SNX25: variants seen among roughly 807,000 people sequenced by gnomAD.
SNX25 encodes sorting nexin 25.
In SNX25, 62 loss-of-function variants were observed where a neutral mutation model predicts 113.7. That is an observed-to-expected ratio of 0.55 (90% CI 0.44 to 0.67). SNX25 has a LOEUF of 0.67. Among genes scored for constraint, SNX25 ranks in the 30% least tolerant of loss-of-function variants. The pLI, the probability that SNX25 is intolerant of heterozygous loss-of-function variation, is 0.00. For synonymous variants in SNX25, 421 were observed against 436.2 expected, an observed-to-expected ratio of 0.97 and a Z score of 0.43; for missense variants, 1,014 against 1,161.0, an observed-to-expected ratio of 0.87 and a Z score of 1.84.
At chr4:185,275,852 C>A (rs1749597325) in intron 5 of SNX25, among the ~76,000 whole-genome samples, 1 of 151,976 alleles carries the variant, frequency 6.6e-6, no homozygotes, top group South Asian at 2.1e-4. Context: ...ATATATAAAA[C>A]AAAAAGAATC....
intron 2 of SNX25, among the ~76,000 whole-genome samples, chr4:185,253,504 G>A (rs1382656573): frequency 6.3e-5 from 9 of 143,518 alleles, no homozygotes; most frequent in Non-Finnish European, 1.2e-4. Flanking sequence ...GTCTTACTCT[G>A]TTGCCCAGGC....
intron 1 of SNX25, among the ~76,000 whole-genome samples, chr4:185,222,383 C>T (rs1016444136): frequency 2.6e-5 from 4 of 151,728 alleles, no homozygotes; most frequent in East Asian, 1.9e-4. Context: ...CCCTCCCTCA[C>T]GGTAGGTATA....
At chr4:185,272,159 C>CA (rs1749020937) in intron 5 of SNX25, among the ~76,000 whole-genome samples, 1 of 152,126 alleles carries the variant, frequency 6.6e-6, no homozygotes, top group Non-Finnish European at 1.5e-5. Context: ...GCACAAGAGC[C>CA]AAAAATGTGA....
chr4:185,240,103 G>T (rs1183208264), intron 1 of SNX25, among the ~76,000 whole-genome samples: 1 of 151,772 alleles, frequency 6.6e-6, no homozygotes, highest in Non-Finnish European at 1.5e-5. Context: ...AGATCAACAG[G>T]ATCCCAAGGC....
chr4:185,301,875 C>T (rs1017932426), intron 6 of SNX25, among the ~76,000 whole-genome samples: 1 of 148,928 alleles, frequency 6.7e-6, no homozygotes, highest in Non-Finnish European at 1.5e-5. Context: ...GCGTGACCCA[C>T]CATGCCTGGC....
chr4:185,237,244 T>G (rs976903758), intron 1 of SNX25, among the ~76,000 whole-genome samples: 3 of 152,192 alleles, frequency 2.0e-5, no homozygotes, highest in African/African-American at 7.2e-5. Context: ...CTGTTTTTTT[T>G]GATAAGGAAA....
At chr4:185,282,843 G>A (rs1276905091) in intron 5 of SNX25, among the ~76,000 whole-genome samples, 3 of 152,164 alleles carry the variant, frequency 2.0e-5, no homozygotes, top group Admixed American at 6.5e-5. Context: ...TTCTTGAACC[G>A]AACTCAGCAC....
Position 185,360,086 on chromosome 4 carries a change from A to G in SNX25, c.2652-1838A>G, listed in dbSNP as rs1178839671. Reference sequence around the variant, plus strand: ...AAAAGCATCAGACAGGTTTCAGCTGATAGAAAGTCAGATCTAAATCAGTAG... The same window carrying G: ...AAAAGCATCAGACAGGTTTCAGCTGGTAGAAAGTCAGATCTAAATCAGTAG... On this transcript the variant is annotated intron_variant, in intron 16 of 18. Transcript: ENST00000652585. 3.9e-5 allele frequency among the ~76,000 whole-genome samples: 6 copies of G among 152,214 alleles called. No individual in the cohort carries two copies. The East Asian group carries it at 9.6e-4, about 24-fold the overall frequency.
chr4:185,308,271 A>G (rs1209432237), intron 6 of SNX25, among the ~76,000 whole-genome samples: 1 of 152,266 alleles, frequency 6.6e-6, no homozygotes, highest in Non-Finnish European at 1.5e-5. Flanking sequence ...TTTGCTTTAA[A>G]TGATATGTCA....
intron 9 of SNX25, among the ~76,000 whole-genome samples, chr4:185,327,152 CTGT>C (rs958231130): frequency 2.4e-4 from 37 of 152,258 alleles, no homozygotes; most frequent in African/African-American, 8.9e-4. Flanking sequence ...ACATGTTACA[CTGT>C]TAACTTTTAG....
intron 1 of SNX25, among the ~76,000 whole-genome samples, chr4:185,227,245 A>G (rs1243820759): frequency 6.6e-6 from 1 of 152,254 alleles, no homozygotes; most frequent in Non-Finnish European, 1.5e-5. Flanking sequence ...GATTTCTGTC[A>G]TTGGCCTAGG....
intron 10 of SNX25, among the ~76,000 whole-genome samples, chr4:185,338,365 C>T (rs1368447507): frequency 1.3e-5 from 2 of 151,372 alleles, no homozygotes; most frequent in Non-Finnish European, 2.9e-5. Context: ...AACCTCCAAC[C>T]CCTGAGTTCA....
At chr4:185,219,430 G>C (rs1428636068) in intron 1 of SNX25, among the ~76,000 whole-genome samples, 2 of 152,010 alleles carry the variant, frequency 1.3e-5, no homozygotes, top group Non-Finnish European at 2.9e-5. Context: ...GTGGTGGTGG[G>C]CGCCTGTAGT....
rs763360546 is a variant in SNX25 at position 185,320,858 on chromosome 4, T to C, written c.1470T>C (p.Ala490=). 5.6e-6 allele frequency: 9 copies of C among 1,598,696 alleles called. No individual in the cohort carries two copies. In the East Asian group the frequency reaches 2.0e-4, roughly 36 times the overall value. ...FWESVEHLKN[A]NKNEIPQLVG... is the part of the protein sequence containing the mutation. The stretch of plus-strand genomic sequence containing the variant: ...AATCTGTGGAACATTTAAAGAATGC[T>C]AACAAGGTAGTATATGTAGGCTGAA... The change falls in exon 8 of 19, where the codon GCT becomes GCC. Residue 490 remains alanine, a synonymous_variant. Transcript: ENST00000652585.
chr4:185,341,468 G>A (rs1455041303), intron 11 of SNX25, among the ~76,000 whole-genome samples: 4 of 152,186 alleles, frequency 2.6e-5, no homozygotes, highest in African/African-American at 9.7e-5. Context: ...CACATTTCAT[G>A]CTTAAAGCAA....
intron 3 of SNX25, among the ~76,000 whole-genome samples, chr4:185,260,057 G>T (rs1002738497): frequency 1.3e-5 from 2 of 152,148 alleles, no homozygotes; most frequent in Non-Finnish European, 2.9e-5. Flanking sequence ...ATGGCCCGCT[G>T]TGAGAAATTC....
In SNX25 at chr4:185,357,677, A is replaced by G. The variant is rs2095345108; in HGVS notation, c.2591A>G (p.Lys864Arg). The G allele has an allele frequency of 1.9e-6, 3 of 1,614,040 alleles. No individual in the cohort carries two copies. Among genetic ancestry groups the G allele is most frequent in the Non-Finnish European group, 2.5e-6 (3 of 1,179,926 alleles). ...GEIFELRGMF[K>R]WVRRTLIALV... ...CCTCTGGTTTCTGTTTCAGTGTTTA[A>G]ATGGGTGAGAAGAACATTAATTGCC... The change falls in exon 16 of 19, where the codon AAA (lysine) becomes AGA (arginine). Residue 864 changes from lysine to arginine, a missense_variant. Physicochemically the swap from Lys to Arg is conservative, Grantham distance 26 (BLOSUM62 2). Coordinates refer to ENST00000652585, the MANE Select transcript of SNX25 (RefSeq NM_001378034.2).
At chr4:185,308,559 A>C (rs1218112999) in intron 6 of SNX25, among the ~76,000 whole-genome samples, 3 of 152,178 alleles carry the variant, frequency 2.0e-5, no homozygotes, top group Non-Finnish European at 4.4e-5. Context: ...GAAAGAACAC[A>C]ATACCTGATA....
chr4:185,260,754 C>G (rs1747183711), intron 3 of SNX25, among the ~76,000 whole-genome samples: 1 of 152,146 alleles, frequency 6.6e-6, no homozygotes, highest in Non-Finnish European at 1.5e-5. Context: ...ATCCCAGATG[C>G]CCTACAAGGA....
Sources: gnomAD v4.1 joint callset for allele counts (sites outside exome capture counted in the v4.1 genomes callset) on GRCh38, gnomAD v4.1.1 for gene constraint, MANE v1.5 for transcripts, NCBI Gene and HGNC (gene_info 2026-07-23, HGNC 2026-07-21) for gene names.